KCNU1: variants seen among roughly 807,000 people sequenced by gnomAD.
The protein encoded by KCNU1 is potassium channel subfamily U member 1.
In KCNU1, 93 loss-of-function variants were observed where a neutral mutation model predicts 126.8. That is an observed-to-expected ratio of 0.73 (90% CI 0.62 to 0.87). The LOEUF is 0.87. Among genes scored for constraint, KCNU1 ranks in the 40% least tolerant of loss-of-function variants. The pLI, the probability that KCNU1 is intolerant of heterozygous loss-of-function variation, is 0.00. For synonymous variants in KCNU1, 523 were observed against 494.2 expected (o/e 1.06, Z -0.77); for missense variants, 1,330 against 1,367.1 (o/e 0.97, Z 0.43).
At chr8:36,847,603 C>T (rs1163171109) in intron 18 of KCNU1, among the ~76,000 whole-genome samples, 1 of 152,090 alleles carries the variant, frequency 6.6e-6, no homozygotes, top group African/African-American at 2.4e-5. Context: ...TGTGGTGAAC[C>T]TAATATCCTC....
chr8:36,885,707 C>A (rs1037043917), intron 19 of KCNU1, among the ~76,000 whole-genome samples: 4 of 152,088 alleles, frequency 2.6e-5, no homozygotes, highest in African/African-American at 9.7e-5. Context: ...GCAGGAGAAT[C>A]TCTTGAACCC....
rs549305145 is a variant in KCNU1, at chr8:36,863,752, A to C, written c.1892-652A>C. Among the ~76,000 whole-genome samples, 22 of 152,134 alleles carry C rather than the reference A, an allele frequency of 1.4e-4. No individual in the cohort carries two copies. In the South Asian group the frequency reaches 4.4e-3, roughly 30 times the overall value. On this transcript the variant is annotated intron_variant, in intron 18 of 26. Coordinates refer to ENST00000399881, the MANE Select transcript of KCNU1 (RefSeq NM_001031836.3). The stretch of plus-strand genomic sequence containing the variant: ...CTCACCTGTCACATTTTTCCCTATT[A>C]AAGTGGCTTCATGGTGCTCATTGAA...
chr8:36,814,226 C>T lies in KCNU1; in HGVS notation c.752C>T (p.Pro251Leu). The T allele has an allele frequency of 6.2e-7, 1 of 1,613,080 alleles. No homozygotes were observed. The highest frequency in any genetic ancestry group is 1.1e-5 in the South Asian group (1 of 91,016). ...GGACAGGTGGAAAATTCTGGTGATC[C>T]CTGGCTCAAAGGTAGAAATTCACAG... ...FIHLVENSGD[P>L]WLKGRNSQNI... The change falls in exon 8 of 27, where the codon CCC becomes CTC. Residue 251 changes from proline (P) to leucine (L), a missense_variant. Physicochemically the swap from Pro to Leu is moderately conservative, Grantham distance 98. Transcript: ENST00000399881.
intron 14 of KCNU1, 50 bp downstream of exon 14, chr8:36,836,995 A>T: frequency 6.3e-7 from 1 of 1,583,362 alleles, no homozygotes; most frequent in Non-Finnish European, 8.6e-7. Flanking sequence ...TATGTCCTAC[A>T]TATTAAGATC....
intron 19 of KCNU1, among the ~76,000 whole-genome samples, chr8:36,890,536 A>C (rs1163735264): frequency 1.3e-5 from 2 of 152,036 alleles, no homozygotes; most frequent in Non-Finnish European, 2.9e-5. Context: ...CTACAAAAAG[A>C]GATAAAATGA....
intron 18 of KCNU1, among the ~76,000 whole-genome samples, 173 bp from the exon 19 acceptor site, chr8:36,864,231 T>C (rs1372314266): frequency 6.6e-6 from 1 of 152,116 alleles, no homozygotes; most frequent in East Asian, 1.9e-4. Flanking sequence ...CCTAATTCTG[T>C]AGAAGGAAAG....
chr8:36,895,199 C>A (rs1807137739), intron 19 of KCNU1, among the ~76,000 whole-genome samples: 1 of 151,906 alleles, frequency 6.6e-6, no homozygotes, highest in African/African-American at 2.4e-5. Context: ...CTGCCTCAGA[C>A]TTCCAAGTAA....
At chr8:36,853,328 T>G (rs184990723) in intron 18 of KCNU1, among the ~76,000 whole-genome samples, 1 of 152,320 alleles carries the variant, frequency 6.6e-6, no homozygotes, top group African/African-American at 2.4e-5. Flanking sequence ...CCAAGCTGGT[T>G]GACAGAGCAA....
chr8:36,934,352 G>T (rs1321855668), intron 26 of KCNU1, among the ~76,000 whole-genome samples: 1 of 151,976 alleles, frequency 6.6e-6, no homozygotes, highest in Non-Finnish European at 1.5e-5. Context: ...AAGCATCGAG[G>T]TCTACAGACG....
chr8:36,862,631 C>T (rs1391677901), intron 18 of KCNU1, among the ~76,000 whole-genome samples: 2 of 152,122 alleles, frequency 1.3e-5, no homozygotes, highest in East Asian at 3.8e-4. Context: ...AATGTGTTTT[C>T]AGATGAGGTT....
intron 2 of KCNU1, among the ~76,000 whole-genome samples, chr8:36,801,468 G>T (rs1803303015): frequency 1.3e-5 from 2 of 148,886 alleles, no homozygotes; most frequent in African/African-American, 5.0e-5. Context: ...ACATGTTTCT[G>T]TTCATTTCCA....
intron 19 of KCNU1, among the ~76,000 whole-genome samples, chr8:36,879,555 G>A (rs1806400279): frequency 6.6e-6 from 1 of 152,060 alleles, no homozygotes; most frequent in Non-Finnish European, 1.5e-5. Context: ...TGTGTTGAGG[G>A]ATGGGTCAGG....
intron 2 of KCNU1, among the ~76,000 whole-genome samples, chr8:36,802,234 T>G (rs1803339785): frequency 6.6e-6 from 1 of 151,142 alleles, no homozygotes; most frequent in African/African-American, 2.4e-5. Flanking sequence ...ACTTGTAAAC[T>G]AGGGTCAATT....
chr8:36,826,916 T>C (rs1804347652), intron 10 of KCNU1, among the ~76,000 whole-genome samples: 1 of 152,196 alleles, frequency 6.6e-6, no homozygotes, highest in Non-Finnish European at 1.5e-5. Flanking sequence ...TTACCTTTTG[T>C]GTATTTCAAC....
chr8:36,860,895 G>T (rs1805704937), intron 18 of KCNU1, among the ~76,000 whole-genome samples: 1 of 150,702 alleles, frequency 6.6e-6, no homozygotes, highest in East Asian at 1.9e-4. Flanking sequence ...TTTTCTTTAG[G>T]TTTGGCCCTG....
At chr8:36,790,752 G>C (rs964696247) in intron 2 of KCNU1, among the ~76,000 whole-genome samples, 1 of 152,006 alleles carries the variant, frequency 6.6e-6, no homozygotes, top group Non-Finnish European at 1.5e-5. Context: ...TCAAGGACCA[G>C]TCTACAAAAC....
chr8:36,814,273 A>G lies in KCNU1; in HGVS notation c.799A>G (p.Ile267Val). The change falls in exon 8 of 27, where the codon ATT becomes GTT. Residue 267 changes from isoleucine to valine, a missense_variant. Transcript: ENST00000399881. ...NSQNISYFES[I>V]YLVMATTSTV... The stretch of plus-strand genomic sequence containing the variant: ...ACAGAATATATCATATTTTGAGTCA[A>G]TTTACCTGGTCATGGCAACAACGTC... 2 of 1,613,288 alleles carry G rather than the reference A, an allele frequency of 1.2e-6. No individual in the cohort carries two copies. Among genetic ancestry groups the G allele is most frequent in the Non-Finnish European group, 1.7e-6 (2 of 1,179,488 alleles).
chr8:36,855,537 C>T (rs1466430054), intron 18 of KCNU1, among the ~76,000 whole-genome samples: 2 of 152,114 alleles, frequency 1.3e-5, no homozygotes, highest in Non-Finnish European at 2.9e-5. Context: ...GTTTTGAAAG[C>T]TATCGATGAG....
chr8:36,824,386 T>C (rs35275857), intron 10 of KCNU1, among the ~76,000 whole-genome samples: 1 of 152,250 alleles, frequency 6.6e-6, no homozygotes. Context: ...CAGCATATTG[T>C]TATAATTATT....
Sources: allele counts gnomAD v4.1 joint callset (sites outside exome capture counted in the v4.1 genomes callset), GRCh38; gene constraint gnomAD v4.1.1; transcripts MANE v1.5; gene names NCBI Gene and HGNC (gene_info 2026-07-23, HGNC 2026-07-21).